KCNJ6: variants seen among roughly 807,000 people sequenced by gnomAD.
The protein encoded by KCNJ6 is G protein-activated inward rectifier potassium channel 2.
KCNJ6 carries 9 observed loss-of-function variants against 34.2 expected under a neutral mutation model. That is an observed-to-expected ratio of 0.26 (90% CI 0.16 to 0.46). The LOEUF is 0.46. KCNJ6 is among the 20% of genes least tolerant of loss of function. KCNJ6 has a pLI of 1.00. For missense variants in KCNJ6, 236 were observed against 531.3 expected, an observed-to-expected ratio of 0.44 and a Z score of 5.46; for synonymous variants, 196 against 207.1, an observed-to-expected ratio of 0.95 and a Z score of 0.46.
intron 2 of KCNJ6, among the ~76,000 whole-genome samples, chr21:37,720,698 TTTTC>T (rs2054820739): frequency 1.3e-5 from 1 of 77,166 alleles, no homozygotes; most frequent in South Asian, 6.6e-4. Context: ...AAACATTTTC[TTTTC>T]TTTTTTTTTT....
chr21:37,646,701 G>C (rs5009858), intron 3 of KCNJ6, among the ~76,000 whole-genome samples: 150,848 of 150,902 alleles, frequency 1, 75,398 homozygotes, highest in Middle Eastern at 1. Flanking sequence ...AGACGGAGTT[G>C]GCTCTGTCGC....
intron 2 of KCNJ6, among the ~76,000 whole-genome samples, chr21:37,811,122 C>A (rs557155842): frequency 6.6e-6 from 1 of 152,176 alleles, no homozygotes; most frequent in South Asian, 2.1e-4. Context: ...TCTTGAACTC[C>A]AGGGTTCAGG....
intron 1 of KCNJ6, among the ~76,000 whole-genome samples, chr21:37,881,159 G>A (rs543924240): frequency 6.6e-6 from 1 of 152,238 alleles, no homozygotes; most frequent in East Asian, 1.9e-4. Context: ...TGTATCAGGG[G>A]CTGAGCCTAG....
At chr21:37,772,187 C>T (rs375839513) in intron 2 of KCNJ6, among the ~76,000 whole-genome samples, 5 of 151,842 alleles carry the variant, frequency 3.3e-5, no homozygotes, top group Non-Finnish European at 5.9e-5. Flanking sequence ...AAAGAGTGCC[C>T]CAAAATTATA....
rs544661887 is a variant in KCNJ6, at chr21:37,854,928, C to T, written c.-27-14219G>A. On this transcript the variant is annotated intron_variant, in intron 1 of 3. Coordinates refer to ENST00000609713, the MANE Select transcript of KCNJ6 (RefSeq NM_002240.5). ...CGAATATAGTTGAAGATGCCAACAC[C>T]CTTCTCTTAACAATTGTTAGGACAA... Among the ~76,000 whole-genome samples, 17 of 152,240 alleles carry T rather than the reference C, an allele frequency of 1.1e-4. No individual in the cohort carries two copies. In the South Asian group the frequency reaches 3.3e-3, roughly 30 times the overall value.
intron 2 of KCNJ6, among the ~76,000 whole-genome samples, chr21:37,736,294 G>A (rs912694890): frequency 5.3e-5 from 8 of 152,128 alleles, no homozygotes; most frequent in African/African-American, 1.9e-4. Flanking sequence ...GGGTGAGGGT[G>A]GGGTGGGGTA....
chr21:37,777,585 A>G (rs753417726), intron 2 of KCNJ6, among the ~76,000 whole-genome samples: 82 of 152,280 alleles, frequency 5.4e-4, no homozygotes, highest in Non-Finnish European at 1.0e-3. Context: ...TTTTTAATTA[A>G]GAACCAGGTA....
chr21:37,809,401 G>A (rs1282430318), intron 2 of KCNJ6, among the ~76,000 whole-genome samples: 1 of 151,904 alleles, frequency 6.6e-6, no homozygotes, highest in Non-Finnish European at 1.5e-5. Context: ...GGGAGGGATA[G>A]CATTAGGAGA....
At chr21:37,668,693 CTGGCCTGCA>C in intron 3 of KCNJ6, among the ~76,000 whole-genome samples, 1 of 152,312 alleles carries the variant, frequency 6.6e-6, no homozygotes, top group African/African-American at 2.4e-5. Context: ...TTGGAGGAAG[CTGGCCTGCA>C]CGGCCTCTGA....
intron 1 of KCNJ6, among the ~76,000 whole-genome samples, chr21:37,891,262 A>AAGACACACAC (rs58199264): frequency 0.33 from 50,328 of 151,722 alleles, 10,945 homozygotes; most frequent in East Asian, 0.67. Context: ...CACACAGGCA[A>AAGACACACAC]AGACACACAC....
At chr21:37,851,093 A>G (rs1000852147) in intron 1 of KCNJ6, among the ~76,000 whole-genome samples, 1 of 152,168 alleles carries the variant, frequency 6.6e-6, no homozygotes, top group Non-Finnish European at 1.5e-5. Flanking sequence ...TGTATAACCC[A>G]TGTGGAGCCC....
intron 3 of KCNJ6, among the ~76,000 whole-genome samples, chr21:37,652,615 G>A (rs933441867): frequency 6.6e-6 from 1 of 152,184 alleles, no homozygotes; most frequent in African/African-American, 2.4e-5. Flanking sequence ...GTTTTAGGGT[G>A]AGGCTATTCT....
intron 2 of KCNJ6, among the ~76,000 whole-genome samples, chr21:37,830,704 C>T (rs982367454): frequency 1.3e-5 from 2 of 152,106 alleles, no homozygotes; most frequent in African/African-American, 4.8e-5. Flanking sequence ...TGAGGGGCAA[C>T]GTGATCTCCA....
At chr21:37,908,804 G>A (rs1482062593) in intron 1 of KCNJ6, among the ~76,000 whole-genome samples, 1 of 152,128 alleles carries the variant, frequency 6.6e-6, no homozygotes, top group African/African-American at 2.4e-5. Context: ...TTTCACCACT[G>A]GGACAAATCA....
rs1042353852 is a variant in KCNJ6, at chr21:37,815,029, C to T, written c.25+25629G>A. Among the ~76,000 whole-genome samples the T allele has an allele frequency of 7.2e-5, 11 of 151,792 alleles. No individual in the cohort carries two copies. In the East Asian group the frequency reaches 7.7e-4, roughly 11 times the overall value. The stretch of plus-strand genomic sequence containing the variant: ...AAGCCAGGCACAGAAAGATAAACAT[C>T]GCATGTTCTCACTTATTTTTGGGAT... On this transcript the variant is annotated intron_variant, in intron 2 of 3. Transcript: ENST00000609713.
At chr21:37,769,463 C>G (rs928062453) in intron 2 of KCNJ6, among the ~76,000 whole-genome samples, 77 of 145,674 alleles carry the variant, frequency 5.3e-4, no homozygotes, top group African/African-American at 2.0e-3. Flanking sequence ...TTTTTAGTAG[C>G]AGAACACTTT....
intron 1 of KCNJ6, among the ~76,000 whole-genome samples, chr21:37,883,154 C>T (rs2055718442): frequency 6.6e-6 from 1 of 152,210 alleles, no homozygotes; most frequent in African/African-American, 2.4e-5. Flanking sequence ...CTGGGAGTTG[C>T]TTCACCTCCT....
intron 1 of KCNJ6, among the ~76,000 whole-genome samples, chr21:37,908,879 T>G (rs1019814743): frequency 1.3e-5 from 2 of 152,232 alleles, no homozygotes; most frequent in African/African-American, 2.4e-5. Flanking sequence ...GACATTTATA[T>G]CGGGCATGCA....
chr21:37,726,622 A>G (rs956986258), intron 2 of KCNJ6, among the ~76,000 whole-genome samples: 10 of 152,334 alleles, frequency 6.6e-5, no homozygotes, highest in African/African-American at 2.2e-4. Context: ...GTGTGTGTAA[A>G]GAATGAATGT....
Sources: allele counts gnomAD v4.1 joint callset (sites outside exome capture counted in the v4.1 genomes callset), GRCh38; gene constraint gnomAD v4.1.1; transcripts MANE v1.5; gene names NCBI Gene and HGNC (gene_info 2026-07-23, HGNC 2026-07-21).